RNF150: variants seen among roughly 807,000 people sequenced by gnomAD.
RNF150 encodes the protein ring finger protein 150.
RNF150 carries 24 observed loss-of-function variants against 39.3 expected under a neutral mutation model. The observed-to-expected ratio is 0.61, with a 90% confidence interval of 0.44 to 0.86. The LOEUF (loss-of-function observed/expected upper bound fraction) is 0.86. RNF150 is among the 40% of genes least tolerant of loss of function. The pLI, the probability that RNF150 is intolerant of heterozygous loss-of-function variation, is 0.00. For missense variants in RNF150, 502 were observed against 587.8 expected (o/e 0.85, Z 1.51); for synonymous variants, 255 against 227.3 (o/e 1.12, Z -1.10).
chr4:141,005,291 G>C (rs1274229079), intron 1 of RNF150, among the ~76,000 whole-genome samples: 1 of 152,172 alleles, frequency 6.6e-6, no homozygotes, highest in East Asian at 1.9e-4. Flanking sequence ...AGCTCAGGAG[G>C]GGAGATGTAA....
chr4:140,932,024 G>A (rs562499608), intron 4 of RNF150, among the ~76,000 whole-genome samples: 1 of 152,106 alleles, frequency 6.6e-6, no homozygotes, highest in Non-Finnish European at 1.5e-5. Context: ...TGTAGACACC[G>A]TTGGACCCTA....
chr4:141,193,562 C>T (rs1022724338), intron 1 of RNF150, among the ~76,000 whole-genome samples: 1 of 152,194 alleles, frequency 6.6e-6, no homozygotes, highest in Non-Finnish European at 1.5e-5. Flanking sequence ...GACAATATCC[C>T]TCTCTTTATG....
At chr4:141,200,508 G>A (rs565976480) in intron 1 of RNF150, among the ~76,000 whole-genome samples, 115 of 151,590 alleles carry the variant, frequency 7.6e-4, no homozygotes, top group Non-Finnish European at 1.5e-3. Context: ...TCATATAGTG[G>A]AAAAGGTGAG....
intron 1 of RNF150, among the ~76,000 whole-genome samples, chr4:141,106,261 T>C (rs1739192379): frequency 6.6e-6 from 1 of 152,204 alleles, no homozygotes; most frequent in South Asian, 2.1e-4. Flanking sequence ...TCCTCCCTAA[T>C]TGATTATAAC....
At chr4:140,915,354 T>C (rs1178197145) in intron 5 of RNF150, among the ~76,000 whole-genome samples, 2 of 152,140 alleles carry the variant, frequency 1.3e-5, no homozygotes, top group Admixed American at 6.5e-5. Context: ...GCTTGCCCAG[T>C]GAGATGGAAA....
intron 1 of RNF150, among the ~76,000 whole-genome samples, chr4:141,078,724 A>T (rs1560726184): frequency 7.0e-6 from 1 of 142,226 alleles, no homozygotes. Context: ...CAGGCGGTGG[A>T]GCTTGCAGTG....
At chr4:140,917,817 GT>G (rs1560965620) in intron 5 of RNF150, among the ~76,000 whole-genome samples, 3 of 149,694 alleles carry the variant, frequency 2.0e-5, no homozygotes, top group Non-Finnish European at 4.5e-5. Context: ...CAAATGTAAA[GT>G]AACAGAAATT....
chr4:141,063,991 C>CAAAAAAAA, intron 1 of RNF150, among the ~76,000 whole-genome samples: 1 of 116,660 alleles, frequency 8.6e-6, no homozygotes, highest in African/African-American at 3.5e-5. Flanking sequence ...AAAAGTTCTA[C>CAAAAAAAA]AAAAAAAAAA....
At chr4:140,907,372 C>G (rs888151775) in intron 6 of RNF150, among the ~76,000 whole-genome samples, 3 of 152,136 alleles carry the variant, frequency 2.0e-5, no homozygotes, top group African/African-American at 7.2e-5. Context: ...GTCAGACTTG[C>G]AACAAGTTTG....
intron 1 of RNF150, among the ~76,000 whole-genome samples, chr4:141,177,036 C>G (rs531934078): frequency 1.2e-5 from 1 of 85,720 alleles, no homozygotes; most frequent in East Asian, 3.3e-4. Context: ...GGCAACATAA[C>G]AAGACCCTGT....
At chr4:140,906,973 G>A (rs144118555) in intron 6 of RNF150, among the ~76,000 whole-genome samples, 3 of 152,280 alleles carry the variant, frequency 2.0e-5, no homozygotes, top group African/African-American at 4.8e-5. Context: ...CCCCACCCCC[G>A]CGAGATGTGG....
chr4:141,086,233 TTTGC>T (rs1264528802), intron 1 of RNF150, among the ~76,000 whole-genome samples: 1 of 152,186 alleles, frequency 6.6e-6, no homozygotes, highest in Non-Finnish European at 1.5e-5. Flanking sequence ...AATGATTTAC[TTTGC>T]TTGATCTATT....
intron 4 of RNF150, among the ~76,000 whole-genome samples, chr4:140,939,500 A>G (rs904262285): frequency 1.1e-4 from 17 of 152,158 alleles, no homozygotes; most frequent in African/African-American, 3.4e-4. Context: ...TTATCTATTT[A>G]GAATGGAGCT....
chr4:141,121,047 G>A (rs1309182344), intron 1 of RNF150, among the ~76,000 whole-genome samples: 1 of 152,138 alleles, frequency 6.6e-6, no homozygotes. Flanking sequence ...GTGTGTTTCT[G>A]TGGACAATAA....
chr4:141,132,647 G>T lies in RNF150; in HGVS notation c.162C>A (p.Asp54Glu). The T allele has an allele frequency of 6.2e-7, 1 of 1,600,636 alleles. No homozygotes were observed. The highest frequency in any genetic ancestry group is 8.5e-7 in the Non-Finnish European group (1 of 1,174,988). Reference sequence around the variant, plus strand: ...CGCCGCCCGCCGCCCCGGCCCCGGGGTCCGGCGCGGGCTCGGCGTAGGTGA... The same window carrying T: ...CGCCGCCCGCCGCCCCGGCCCCGGGTTCCGGCGCGGGCTCGGCGTAGGTGA... ...VNITYAEPAP[D>E]PGAGAAGGGG... is the part of the protein sequence containing the mutation. Residue 54 changes from aspartate to glutamate, a missense_variant, in exon 1 of 7, where the codon GAC becomes GAA. Coordinates refer to ENST00000515673, the MANE Select transcript of RNF150 (RefSeq NM_020724.2). This position sits in a 1 kb window ranked among gnomAD's most constrained non-coding sequence, Gnocchi z 4.9.
intron 6 of RNF150, among the ~76,000 whole-genome samples, chr4:140,905,065 G>A (rs930504212): frequency 2.6e-5 from 4 of 152,154 alleles, no homozygotes; most frequent in African/African-American, 9.7e-5. Context: ...ATGAGTTGGA[G>A]TATGTGTCCC....
chr4:141,134,892 C>G (rs73849844), upstream of RNF150, among the ~76,000 whole-genome samples: 590 of 152,294 alleles, frequency 3.9e-3, 6 homozygotes, highest in African/African-American at 0.014. Flanking sequence ...CACAGTGTTT[C>G]CCCAGTCTTC....
chr4:141,103,768 G>A (rs991374849), intron 1 of RNF150, among the ~76,000 whole-genome samples: 1 of 152,062 alleles, frequency 6.6e-6, no homozygotes, highest in African/African-American at 2.4e-5. Context: ...AGGTTAATGA[G>A]ACAGGTGGAA....
chr4:141,162,877 G>A (rs1443035186), intron 1 of RNF150, among the ~76,000 whole-genome samples: 1 of 152,214 alleles, frequency 6.6e-6, no homozygotes, highest in Non-Finnish European at 1.5e-5. Flanking sequence ...AAACTGGGTG[G>A]CCATTTGGGC....
Sources: gnomAD v4.1 joint callset for allele counts (sites outside exome capture counted in the v4.1 genomes callset) on GRCh38, gnomAD v4.1.1 for gene constraint, Gnocchi (gnomAD v3.1) non-coding constraint, MANE v1.5 for transcripts, NCBI Gene and HGNC (gene_info 2026-07-23, HGNC 2026-07-21) for gene names.